Variants in KIF4A observed in about 807,000 individuals in gnomAD.
The protein encoded by KIF4A is chromosome-associated kinesin KIF4A.
In KIF4A, 7 loss-of-function variants were observed where a neutral mutation model predicts 105.9. The observed-to-expected ratio is 0.07, with a 90% CI of 0.04 to 0.12. The LOEUF is 0.12. Among genes scored for constraint, KIF4A ranks in the 10% least tolerant of loss-of-function variants. The pLI is 1.00. For missense variants in KIF4A, 558 were observed against 929.2 expected (o/e 0.60, Z 5.19); for synonymous variants, 281 against 331.3 (o/e 0.85, Z 1.65).
chrX:70,334,776 A>G (rs1602753390), intron 10 of KIF4A, among the ~76,000 whole-genome samples: 1 of 112,141 alleles, frequency 8.9e-6, no homozygotes, highest in Non-Finnish European at 1.9e-5. Context: ...TTACACAAAA[A>G]GATATACTCA....
rs773145064 is a variant in KIF4A, at chrX:70,388,858, T to G, written c.2232+1561T>G. ...TGGCTGTGGCTTGCCCTTTTCAATTTGTAACAGTGTCTTTTGAAGAGCAAA... is the reference window on the plus strand; with the variant it reads ...TGGCTGTGGCTTGCCCTTTTCAATTGGTAACAGTGTCTTTTGAAGAGCAAA... On this transcript the variant is annotated intron_variant, in intron 20 of 30. Transcript: ENST00000374403. 5.3e-5 allele frequency among the ~76,000 whole-genome samples: 6 copies of G among 112,701 alleles called. No homozygotes were observed. In the East Asian group the frequency reaches 1.4e-3, roughly 26 times the overall value.
At chrX:70,391,834 A>G (rs762071268) in intron 20 of KIF4A, among the ~76,000 whole-genome samples, 3 of 110,996 alleles carry the variant, frequency 2.7e-5, no homozygotes, top group African/African-American at 9.8e-5. Context: ...TGTGTACTCA[A>G]TGTTTAGCTC....
intron 15 of KIF4A, among the ~76,000 whole-genome samples, chrX:70,355,473 T>TA (rs1030174169): frequency 8.9e-6 from 1 of 112,069 alleles, no homozygotes; most frequent in African/African-American, 3.2e-5. Flanking sequence ...CCATAAGCTC[T>TA]AATTCAGTGG....
intron 10 of KIF4A, among the ~76,000 whole-genome samples, chrX:70,340,967 C>T (rs1294724334): frequency 9.0e-6 from 1 of 111,518 alleles, no homozygotes; most frequent in East Asian, 2.8e-4. Flanking sequence ...CAAAAAACAG[C>T]CCTACTTCGT....
chrX:70,310,486 G>A (rs2085845527), intron 7 of KIF4A, among the ~76,000 whole-genome samples: 1 of 111,279 alleles, frequency 9.0e-6, no homozygotes, highest in Non-Finnish European at 1.9e-5. Flanking sequence ...TTCTCGTATT[G>A]TTGAGAATTT....
At chrX:70,330,373 T>C in intron 9 of KIF4A, 41 bp downstream of exon 9, 1 of 1,094,587 alleles carries the variant, frequency 9.1e-7, no homozygotes, top group South Asian at 2.0e-5. Context: ...ATTACAAGTA[T>C]GTGAGTGGAA....
intron 3 of KIF4A, among the ~76,000 whole-genome samples, chrX:70,292,698 C>T (rs759347787): frequency 8.9e-6 from 1 of 112,029 alleles, no homozygotes; most frequent in Non-Finnish European, 1.9e-5. Context: ...CAATTATCCC[C>T]GCCTTTCCTT....
chrX:70,418,249 C>T (rs1207152907), intron 29 of KIF4A, among the ~76,000 whole-genome samples: 2 of 111,611 alleles, frequency 1.8e-5, no homozygotes, highest in Non-Finnish European at 3.8e-5. Context: ...ATAGAGCTCC[C>T]CACCCCCAGG....
At chrX:70,339,235 AT>A (rs2085963387) in intron 10 of KIF4A, among the ~76,000 whole-genome samples, 1 of 111,282 alleles carries the variant, frequency 9.0e-6, no homozygotes, top group Non-Finnish European at 1.9e-5. Context: ...TCAATTATTC[AT>A]TTTTTTCTGA....
chrX:70,390,629 G>A, intron 20 of KIF4A, among the ~76,000 whole-genome samples: 1 of 111,273 alleles, frequency 9.0e-6, no homozygotes, highest in East Asian at 2.8e-4. Flanking sequence ...ATTCTGTCAA[G>A]GCATAGCTGA....
chrX:70,290,176 T>TCA, intron 1 of KIF4A, 26 bp downstream of exon 1: 1 of 274,988 alleles, frequency 3.6e-6, no homozygotes, highest in African/African-American at 2.7e-5. Flanking sequence ...ACACCTTAGC[T>TCA]CAGAACCTGT....
rs186246893 is a variant in KIF4A at position 70,370,822 on chromosome X, G to A, written c.1675-3329G>A. ...GTGGTGGCAGGTGCCTGTAATCTCA[G>A]CTACTTGGGAGACTGGGGCACAAGA... On this transcript the variant is annotated intron_variant, in intron 15 of 30. Coordinates refer to ENST00000374403, the MANE Select transcript of KIF4A (RefSeq NM_012310.5). 3.6e-3 allele frequency among the ~76,000 whole-genome samples: 382 copies of A among 107,544 alleles called. 3 individuals carry two copies. The highest frequency in any genetic ancestry group is 0.012 in the African/African-American group (360 of 29,559). The allele number at this position is 107,544 out of a possible 115,157, so 93.4% of individuals were successfully genotyped here. A position where few individuals can be genotyped will look rare whatever the true frequency, so the allele number is the denominator to read the frequency against.
intron 7 of KIF4A, among the ~76,000 whole-genome samples, chrX:70,322,763 C>A (rs185200422): frequency 9.4e-6 from 1 of 106,511 alleles, no homozygotes; most frequent in Admixed American, 1.0e-4. Flanking sequence ...GTCACTGAGA[C>A]CTGTCAGTCC....
At chrX:70,370,455 TATAG>T (rs973741697) in intron 15 of KIF4A, among the ~76,000 whole-genome samples, 45 of 107,493 alleles carry the variant, frequency 4.2e-4, no homozygotes, top group South Asian at 1.1e-3. Context: ...TTTCTATAAG[TATAG>T]ATAAATATAG....
intron 9 of KIF4A, among the ~76,000 whole-genome samples, chrX:70,331,215 A>G (rs929394534): frequency 5.4e-5 from 6 of 111,677 alleles, no homozygotes; most frequent in Non-Finnish European, 1.1e-4. Flanking sequence ...TAAAGCACTT[A>G]GAACAGTACT....
At chrX:70,411,176 C>T (rs1421049590) in intron 28 of KIF4A, among the ~76,000 whole-genome samples, 2 of 110,908 alleles carry the variant, frequency 1.8e-5, no homozygotes, top group African/African-American at 6.6e-5. Context: ...CCTGTAATCC[C>T]AATACTTGGG....
intron 15 of KIF4A, chrX:70,362,351 G>A (rs2086079647): frequency 1.1e-5 from 3 of 278,646 alleles, no homozygotes; most frequent in Non-Finnish European, 2.1e-5. Context: ...TCTCCTTGGT[G>A]ATCACCGGGA....
chrX:70,308,904 C>A (rs1320816984), intron 7 of KIF4A, among the ~76,000 whole-genome samples: 1 of 112,596 alleles, frequency 8.9e-6, no homozygotes, highest in African/African-American at 3.2e-5. Flanking sequence ...GCCACCACGC[C>A]AGGCCTGAGA....
At chrX:70,369,659 AT>A (rs2086121891) in intron 15 of KIF4A, among the ~76,000 whole-genome samples, 2 of 111,972 alleles carry the variant, frequency 1.8e-5, no homozygotes, top group Admixed American at 9.5e-5. Flanking sequence ...TGGAAAAAAA[AT>A]GAGGCAGATC....
Sources: gnomAD v4.1 joint callset for allele counts (sites outside exome capture counted in the v4.1 genomes callset) on GRCh38, gnomAD v4.1.1 for gene constraint, MANE v1.5 for transcripts, NCBI Gene and HGNC (gene_info 2026-07-23, HGNC 2026-07-21) for gene names.